SLC12A1: variants seen among roughly 807,000 people sequenced by gnomAD.
SLC12A1 encodes the protein Na-K-2Cl cotransporter.
Under a neutral mutation model 130.4 loss-of-function variants are expected in SLC12A1, and 89 were observed. That is an observed-to-expected ratio of 0.68 (90% confidence interval 0.58 to 0.81). The LOEUF is 0.81. SLC12A1 is among the 40% of genes least tolerant of loss of function. SLC12A1 has a pLI of 0.00. For synonymous variants in SLC12A1, 499 were observed against 460.0 expected (o/e 1.08, Z -1.09); for missense variants, 1,310 against 1,336.4 (o/e 0.98, Z 0.31).
intron 14 of SLC12A1, among the ~76,000 whole-genome samples, chr15:48,250,465 A>G (rs902047142): frequency 1.3e-5 from 2 of 152,222 alleles, no homozygotes; most frequent in Non-Finnish European, 2.9e-5. Flanking sequence ...AGAAAGTAGC[A>G]GAGTATTTTT....
At chr15:48,211,291 A>T (rs2041049385) in intron 2 of SLC12A1, among the ~76,000 whole-genome samples, 1 of 152,178 alleles carries the variant, frequency 6.6e-6, no homozygotes, top group South Asian at 2.1e-4. Flanking sequence ...CTGGCTCTCC[A>T]TGTGTAGCAG....
At chr15:48,232,987 T>G in intron 8 of SLC12A1, 149 bp downstream of exon 8, 1 of 621,696 alleles carries the variant, frequency 1.6e-6, no homozygotes, top group Non-Finnish European at 2.9e-6. Flanking sequence ...AAATGGGAAG[T>G]ACGTTGGGGA....
intron 9 of SLC12A1, 147 bp downstream of exon 9, chr15:48,235,151 C>A (rs2041426225): frequency 1.1e-6 from 1 of 889,134 alleles, no homozygotes; most frequent in Non-Finnish European, 1.8e-6. Context: ...TTTAAAAGTT[C>A]TCTCTTTTAA....
At chr15:48,241,710 A>ATT in intron 10 of SLC12A1, 111 bp downstream of exon 10, 1 of 764,788 alleles carries the variant, frequency 1.3e-6, no homozygotes, top group South Asian at 1.6e-5. Flanking sequence ...AAAGGCAACA[A>ATT]TTTTAATTCC....
At chr15:48,284,491 T>C (rs575247362) in intron 20 of SLC12A1, among the ~76,000 whole-genome samples, 3 of 152,302 alleles carry the variant, frequency 2.0e-5, no homozygotes, top group South Asian at 2.1e-4. Context: ...TGTTTTTGCA[T>C]GGTAGTGAAT....
At chr15:48,300,103 G>A (rs760828892) in intron 25 of SLC12A1, among the ~76,000 whole-genome samples, 3 of 152,098 alleles carry the variant, frequency 2.0e-5, no homozygotes, top group Non-Finnish European at 2.9e-5. Context: ...AGGCTAAGGC[G>A]GGAGGACTGC....
chr15:48,221,037 C>A, intron 4 of SLC12A1, 41 bp downstream of exon 4: 2 of 1,557,706 alleles, frequency 1.3e-6, no homozygotes, highest in South Asian at 1.1e-5. Context: ...GCATGTAAAT[C>A]ATAAATTCAA....
At chr15:48,291,380 T>C (rs1677258100) in intron 23 of SLC12A1, among the ~76,000 whole-genome samples, 1 of 151,796 alleles carries the variant, frequency 6.6e-6, no homozygotes, top group Admixed American at 6.6e-5. Flanking sequence ...TGATATATTG[T>C]ATGATAACTG....
At chr15:48,241,757 T>C (rs1181364346) in intron 10 of SLC12A1, among the ~76,000 whole-genome samples, 158 bp downstream of exon 10, 1 of 152,190 alleles carries the variant, frequency 6.6e-6, no homozygotes, top group South Asian at 2.1e-4. Flanking sequence ...GTGGATACTT[T>C]AGGGATTTGA....
intron 4 of SLC12A1, chr15:48,222,682 C>T (rs2041231181): frequency 6.6e-6 from 1 of 152,016 alleles, no homozygotes; most frequent in African/African-American, 2.4e-5. Flanking sequence ...TTTTACTGGC[C>T]TTTGCTATGA....
chr15:48,295,616 ATT>A (rs754895044), intron 24 of SLC12A1, among the ~76,000 whole-genome samples: 6 of 152,170 alleles, frequency 3.9e-5, no homozygotes, highest in Non-Finnish European at 8.8e-5. Flanking sequence ...AAGAGAATTA[ATT>A]TTTTTGTCAG....
At chr15:48,291,920 T>C (rs2042125919) in intron 24 of SLC12A1, 56 bp downstream of exon 24, 2 of 1,090,014 alleles carry the variant, frequency 1.8e-6, no homozygotes, top group African/African-American at 3.1e-5. Flanking sequence ...TCATTCTCTT[T>C]TGTGTTGATT....
At chr15:48,246,726 G>A (rs1386847575) in intron 11 of SLC12A1, among the ~76,000 whole-genome samples, 183 bp from the exon 12 acceptor site, 1 of 152,202 alleles carries the variant, frequency 6.6e-6, no homozygotes, top group African/African-American at 2.4e-5. Context: ...GTTGCAGTGA[G>A]CCAAGATCGT....
At position 48,220,509 on chromosome 15, in the gene SLC12A1, A is replaced by G. The variant is rs1260354443; in HGVS notation, c.421-125A>G. On this transcript the variant is annotated intron_variant, in intron 2 of 26. Transcript: ENST00000380993. Reference sequence around the variant, plus strand: ...AGTTTCATTAAAATTCTCAGAATATATTTAGTTTGGGGGTTTTTTGGTATT... The same window carrying G: ...AGTTTCATTAAAATTCTCAGAATATGTTTAGTTTGGGGGTTTTTTGGTATT... 6 of 925,644 alleles carry G rather than the reference A, an allele frequency of 6.5e-6. No homozygotes were observed. The Admixed American group carries it at 1.8e-4, about 28-fold the overall frequency. The allele number at this position is 925,644 out of a possible 1,614,324, so 57.3% of individuals were successfully genotyped here.
At chr15:48,259,716 A>C (rs2041748805) in intron 17 of SLC12A1, among the ~76,000 whole-genome samples, 1 of 152,226 alleles carries the variant, frequency 6.6e-6, no homozygotes, top group South Asian at 2.1e-4. Flanking sequence ...AATGGCCTTA[A>C]ATGACAGCAC....
In SLC12A1 at chr15:48,214,769, T is replaced by C. The variant is rs77861298; in HGVS notation, c.421-5865T>C. Reference sequence around the variant, plus strand: ...ATTGAGTGGCAGGAGTGGGAGGGGCTTAGGTTAGGTGGAACAAGTTTGGCC... The same window carrying C: ...ATTGAGTGGCAGGAGTGGGAGGGGCCTAGGTTAGGTGGAACAAGTTTGGCC... On this transcript the variant is annotated intron_variant, in intron 2 of 26. Coordinates refer to ENST00000380993, the MANE Select transcript of SLC12A1 (RefSeq NM_000338.3). 7.8e-3 allele frequency among the ~76,000 whole-genome samples: 1,142 copies of C among 146,874 alleles called. 13 individuals are homozygous for C. The highest frequency in any genetic ancestry group is 0.03 in the African/African-American group (1,106 of 37,464).
intron 26 of SLC12A1, among the ~76,000 whole-genome samples, chr15:48,302,280 C>T (rs116078859): frequency 0.015 from 2,237 of 152,174 alleles, 57 homozygotes; most frequent in African/African-American, 0.051. Flanking sequence ...AGTTTGCTAT[C>T]TACAGTAAAA....
At chr15:48,289,423 ATATAT>A (rs772593217) in intron 23 of SLC12A1, among the ~76,000 whole-genome samples, 7,128 of 105,514 alleles carry the variant, frequency 0.068, 318 homozygotes, top group Non-Finnish European at 0.098. Context: ...ATATATATAT[ATATAT>A]AATGTATAAC....
chr15:48,302,949 A>G lies in SLC12A1; in HGVS notation c.*64A>G. On this transcript the variant is annotated 3_prime_UTR_variant, in exon 27 of 27. Coordinates refer to ENST00000380993, the MANE Select transcript of SLC12A1 (RefSeq NM_000338.3). ...GCATAATTAAGAAACATGTTCCAGT[A>G]CTTTATGTTGTAAATCTGATCTATG... The G allele has an allele frequency of 7.8e-7, 1 of 1,279,624 alleles. No individual in the cohort carries two copies. Among genetic ancestry groups the G allele is most frequent in the Non-Finnish European group, 1.1e-6 (1 of 905,856 alleles). The allele number at this position is 1,279,624 out of a possible 1,614,324, so 79.3% of individuals were successfully genotyped here. A position where few individuals can be genotyped will look rare whatever the true frequency, so the allele number is the denominator to read the frequency against.
Sources: gnomAD v4.1 joint callset for allele counts (sites outside exome capture counted in the v4.1 genomes callset) on GRCh38, gnomAD v4.1.1 for gene constraint, MANE v1.5 for transcripts, NCBI Gene and HGNC (gene_info 2026-07-23, HGNC 2026-07-21) for gene names.